The following SLC9A7 variants were observed in gnomAD, a reference collection of about 807,000 sequenced individuals.
SLC9A7 encodes the protein sodium/hydrogen exchanger 7.
Under a neutral mutation model 52.6 loss-of-function variants are expected in SLC9A7, and 19 were observed. The observed-to-expected ratio is 0.36, with a 90% confidence interval of 0.25 to 0.53. The LOEUF is 0.53. Ranked by LOEUF, SLC9A7 falls within the 20% of genes least tolerant of loss-of-function variation. The pLI is 0.91. For synonymous variants in SLC9A7, 226 were observed against 252.1 expected (o/e 0.90, Z 0.98); for missense variants, 455 against 597.9 (o/e 0.76, Z 2.49).
rs919180067 is a variant in SLC9A7 at position 46,621,856 on chromosome X, GCA to G, written c.1741-799_1741-798del. On this transcript the variant is annotated intron_variant, in intron 14 of 16. Transcript: ENST00000616978. Reference sequence around the variant, plus strand: ...TGAGGGTACTACTAGGGCTGTGCAAGCACAGACTGCTTGTGAAGCTATTATTA... The same window carrying G: ...TGAGGGTACTACTAGGGCTGTGCAAGCAGACTGCTTGTGAAGCTATTATTA... Among the ~76,000 whole-genome samples the G allele has an allele frequency of 2.7e-4, 30 of 112,308 alleles. No homozygotes were observed. In the Admixed American group the frequency reaches 2.7e-3, roughly 10 times the overall value.
intron 7 of SLC9A7, among the ~76,000 whole-genome samples, 184 bp downstream of exon 7, chrX:46,661,832 A>C (rs1347510715): frequency 1.8e-5 from 2 of 111,956 alleles, no homozygotes; most frequent in Non-Finnish European, 3.8e-5. Flanking sequence ...ACATTTTCTC[A>C]GACTCTCAGC....
Position 46,600,643 on chromosome X carries a change from GTTTAA to G in SLC9A7, c.*6304_*6308del, listed in dbSNP as rs1191599874. On this transcript the variant is annotated 3_prime_UTR_variant, in exon 17 of 17. Transcript: ENST00000616978. ...TTGCTAGCACTGGGTGACAAGATGT[GTTTAA>G]TTTTTTAAAAATGTCTATGAAAATT... is the stretch of plus-strand genomic sequence containing the variant. The G allele has an allele frequency of 8.9e-6, 1 of 112,117 alleles. No homozygotes were observed. The highest frequency in any genetic ancestry group is 9.5e-5 in the Admixed American group (1 of 10,516). The allele number at this position is 112,117 out of a possible 1,213,427, so 9.2% of individuals were successfully genotyped here.
chrX:46,747,763 G>C (rs1358276039), intron 1 of SLC9A7, among the ~76,000 whole-genome samples: 1 of 111,735 alleles, frequency 8.9e-6, no homozygotes, highest in Non-Finnish European at 1.9e-5. Context: ...AAAATATACA[G>C]ATAGCCAAAA....
At position 46,679,673 on chromosome X, in the gene SLC9A7, C is replaced by A. The variant is rs781273661; in HGVS notation, c.603+5G>T. 8.5e-7 allele frequency: 1 copy of A among 1,173,523 alleles called. No individual in the cohort carries two copies. Among genetic ancestry groups the A allele is most frequent in the Non-Finnish European group, 1.2e-6 (1 of 867,662 alleles). ...ATTTCAGAAATACTGGCAAAAACAT[C>A]TTACCTTCTTTAAGCTGTATCCAGC... is the stretch of plus-strand genomic sequence containing the variant. On this transcript the variant is annotated splice_donor_5th_base_variant and intron_variant, in intron 3 of 16. Coordinates refer to ENST00000616978, the MANE Select transcript of SLC9A7 (RefSeq NM_001257291.2).
rs1944224693 is a variant in SLC9A7, at chrX:46,682,441, A to G, written c.420T>C (p.Ser140=). 8.3e-7 allele frequency: 1 copy of G among 1,211,163 alleles called. No homozygotes were observed. The change falls in exon 2 of 17, where the codon AGT becomes AGC. Residue 140 remains serine (S), a synonymous_variant. Coordinates refer to ENST00000616978, the MANE Select transcript of SLC9A7 (RefSeq NM_001257291.2). ...LSCTQEDRAF[S]TLLVNVSGKF... ...TTCCGCTGACATTCACTAATAAGGT[A>G]CTGAAGGCCCTGTCTTCCTGAGTGC...
At chrX:46,676,367 CACAGAAG>C (rs1338564286) in intron 3 of SLC9A7, among the ~76,000 whole-genome samples, 3 of 111,944 alleles carry the variant, frequency 2.7e-5, no homozygotes, top group Non-Finnish European at 5.6e-5. Context: ...CACATTTAAT[CACAGAAG>C]TCTTCTGTGT....
chrX:46,654,380 CA>C (rs1334591005), intron 7 of SLC9A7, among the ~76,000 whole-genome samples: 8 of 102,233 alleles, frequency 7.8e-5, no homozygotes, highest in Non-Finnish European at 1.2e-4. Flanking sequence ...GAGACTCCGT[CA>C]AAAAAAAAAA....
chrX:46,662,290 T>A (rs1943837185), intron 6 of SLC9A7, 133 bp from the exon 7 acceptor site: 1 of 656,546 alleles, frequency 1.5e-6, no homozygotes. Flanking sequence ...TTTAATTTAA[T>A]CTGCAGCCAG....
intron 8 of SLC9A7, among the ~76,000 whole-genome samples, chrX:46,651,833 A>G (rs1485289889): frequency 2.2e-5 from 2 of 92,304 alleles, no homozygotes; most frequent in African/African-American, 8.0e-5. Flanking sequence ...TTCTCAAAAG[A>G]AAAAAAAAAA....
chrX:46,714,153 T>C (rs1203122176), intron 1 of SLC9A7, among the ~76,000 whole-genome samples: 6 of 110,569 alleles, frequency 5.4e-5, no homozygotes, highest in Non-Finnish European at 1.1e-4. Context: ...CAATATTATC[T>C]CTTAATTTTC....
chrX:46,696,868 G>A (rs1944456302), intron 1 of SLC9A7, among the ~76,000 whole-genome samples: 1 of 112,083 alleles, frequency 8.9e-6, no homozygotes, highest in Non-Finnish European at 1.9e-5. Context: ...AACCAAGGCA[G>A]AAAGAGAAAC....
chrX:46,632,322 G>A (rs971535314), intron 13 of SLC9A7, among the ~76,000 whole-genome samples: 3 of 111,734 alleles, frequency 2.7e-5, no homozygotes, highest in African/African-American at 9.8e-5. Context: ...TCCCAACTAG[G>A]CACTGACTTT....
chrX:46,655,350 T>C (rs1943660040), intron 7 of SLC9A7, among the ~76,000 whole-genome samples: 1 of 111,888 alleles, frequency 8.9e-6, no homozygotes, highest in African/African-American at 3.2e-5. Flanking sequence ...ATTATTTTTA[T>C]CATGATTGGG....
At chrX:46,609,736 C>A (rs949408770) in intron 16 of SLC9A7, among the ~76,000 whole-genome samples, 1 of 109,659 alleles carries the variant, frequency 9.1e-6, no homozygotes, top group African/African-American at 3.3e-5. Context: ...CAAAAAAAAA[C>A]CCATGGAGAG....
intron 5 of SLC9A7, among the ~76,000 whole-genome samples, chrX:46,666,539 C>T (rs747543000): frequency 7.1e-5 from 8 of 112,298 alleles, no homozygotes; most frequent in Non-Finnish European, 1.1e-4. Flanking sequence ...TGTCCTGATG[C>T]TTAATAAGTT....
At position 46,738,031 on chromosome X, in the gene SLC9A7, A is replaced by AAAAGAAAG. The variant is rs58544637; in HGVS notation, c.325+20666_325+20673dup. Among the ~76,000 whole-genome samples, 108 of 70,387 alleles carry AAAAGAAAG rather than the reference A, an allele frequency of 1.5e-3. 2 individuals carry two copies. Among genetic ancestry groups the AAAAGAAAG allele is most frequent in the East Asian group, 5.6e-3 (11 of 1,966 alleles). The allele number at this position is 70,387 out of a possible 115,157, so 61.1% of individuals were successfully genotyped here. ...AACAGAGTGAGACCCTGTCTCAAAA[A>AAAAGAAAG]AAAGAAAGAAAGAAAGAAAGAAAGA... On this transcript the variant is annotated intron_variant, in intron 1 of 16. Transcript: ENST00000616978.
At chrX:46,613,651 A>G (rs1942896862) in intron 15 of SLC9A7, among the ~76,000 whole-genome samples, 1 of 111,790 alleles carries the variant, frequency 8.9e-6, no homozygotes, top group Non-Finnish European at 1.9e-5. Flanking sequence ...GATTAATTAG[A>G]AATTAGATCC....
intron 1 of SLC9A7, among the ~76,000 whole-genome samples, chrX:46,701,708 G>A (rs917837960): frequency 8.9e-6 from 1 of 111,925 alleles, no homozygotes; most frequent in Non-Finnish European, 1.9e-5. Flanking sequence ...ATACATGGGG[G>A]GAGTGGTTCA....
At chrX:46,648,584 C>G in intron 11 of SLC9A7, 102 bp downstream of exon 11, 1 of 618,343 alleles carries the variant, frequency 1.6e-6, no homozygotes, top group Non-Finnish European at 2.6e-6. Context: ...GGACCAGAAA[C>G]TTGAATGCTT....
Sources: allele counts gnomAD v4.1 joint callset (sites outside exome capture counted in the v4.1 genomes callset), GRCh38; gene constraint gnomAD v4.1.1; transcripts MANE v1.5; gene names NCBI Gene and HGNC (gene_info 2026-07-23, HGNC 2026-07-21).